Variants in EML5 observed in about 807,000 individuals in gnomAD.
EML5 encodes the protein echinoderm microtubule-associated protein-like 5.
Under a neutral mutation model 250.0 loss-of-function variants are expected in EML5, and 120 were observed. The observed-to-expected ratio is 0.48, with a 90% CI of 0.41 to 0.56. EML5 has a LOEUF of 0.56. EML5 is among the 20% of genes least tolerant of loss of function. EML5 has a pLI of 0.00. For synonymous variants in EML5, 771 were observed against 806.5 expected, an observed-to-expected ratio of 0.96 and a Z score of 0.75; for missense variants, 2,006 against 2,437.6, an observed-to-expected ratio of 0.82 and a Z score of 3.73.
chr14:88,668,326 A>C (rs2092363016), intron 21 of EML5, among the ~76,000 whole-genome samples: 1 of 152,316 alleles, frequency 6.6e-6, no homozygotes, highest in Admixed American at 6.5e-5. Flanking sequence ...TGCAGAGTGC[A>C]GGAAGAAGAG....
At chr14:88,715,576 A>AT (rs371170654) in intron 8 of EML5, among the ~76,000 whole-genome samples, 5 of 151,322 alleles carry the variant, frequency 3.3e-5, no homozygotes, top group Non-Finnish European at 7.4e-5. Flanking sequence ...TTTTCAAACA[A>AT]TTTTTTTTTG....
chr14:88,621,983 CT>C (rs1243010848), intron 37 of EML5: 2 of 420,838 alleles, frequency 4.8e-6, no homozygotes, highest in Non-Finnish European at 9.6e-6. Context: ...CTATTCCTAT[CT>C]GGCTGTGTAA....
chr14:88,731,169 A>G (rs1407847098), intron 7 of EML5, among the ~76,000 whole-genome samples: 4 of 151,858 alleles, frequency 2.6e-5, no homozygotes, highest in African/African-American at 7.3e-5. Flanking sequence ...TGCTGCACTC[A>G]TTAACTCGTC....
chr14:88,675,716 C>G (rs750138396), intron 21 of EML5, among the ~76,000 whole-genome samples: 15 of 152,170 alleles, frequency 9.9e-5, no homozygotes, highest in Non-Finnish European at 2.1e-4. Context: ...TCTTTTCTGT[C>G]ACAGTCAGGC....
At chr14:88,708,196 T>C (rs1044432004) in intron 10 of EML5, among the ~76,000 whole-genome samples, 1 of 152,184 alleles carries the variant, frequency 6.6e-6, no homozygotes, top group African/African-American at 2.4e-5. Flanking sequence ...AATTTTTTAA[T>C]AACCAGTTTA....
Position 88,624,960 on chromosome 14 carries a change from GA to G in EML5, c.4898+9del. 2.5e-6 allele frequency: 4 copies of G among 1,612,144 alleles called. No individual in the cohort carries two copies. Among genetic ancestry groups the G allele is most frequent in the Non-Finnish European group, 3.4e-6 (4 of 1,179,204 alleles). ...TGCATAAATATTCTGTGAAAAGAAA[GA>G]GGACTCACGGCCTTTCCTTTCCCCC... On this transcript the variant is annotated intron_variant, in intron 36 of 43. Coordinates refer to ENST00000554922, the MANE Select transcript of EML5 (RefSeq NM_183387.3).
At chr14:88,699,261 C>T (rs1317085032) in intron 14 of EML5, among the ~76,000 whole-genome samples, 24 of 152,040 alleles carry the variant, frequency 1.6e-4, no homozygotes, top group Admixed American at 1.6e-3. Context: ...TAGCATTATA[C>T]GTGTTGGACA....
intron 34 of EML5, chr14:88,627,309 G>A: frequency 2.0e-6 from 1 of 495,106 alleles, no homozygotes; most frequent in South Asian, 3.1e-5. Context: ...CTGCTGATCT[G>A]CCATTATCAT....
chr14:88,785,273 C>A (rs764784782), intron 1 of EML5, among the ~76,000 whole-genome samples: 3 of 152,014 alleles, frequency 2.0e-5, no homozygotes, highest in Non-Finnish European at 2.9e-5. Context: ...TTTGATGGCA[C>A]AACAGGGTGA....
chr14:88,630,604 T>C (rs931024772), intron 33 of EML5, among the ~76,000 whole-genome samples: 3 of 152,148 alleles, frequency 2.0e-5, no homozygotes, highest in Admixed American at 6.5e-5. Context: ...CAGTGATTAG[T>C]TTAATAACCC....
chr14:88,705,466 T>G lies in EML5; in HGVS notation c.1932+16A>C. Reference sequence around the variant, plus strand: ...TTAGACTTTTTAGAGAAAAACCATGTGATATGGAAAATTACCTGTCGACGG... The same window carrying G: ...TTAGACTTTTTAGAGAAAAACCATGGGATATGGAAAATTACCTGTCGACGG... On this transcript the variant is annotated intron_variant, in intron 12 of 43. Transcript: ENST00000554922. 2 of 1,554,816 alleles carry G rather than the reference T, an allele frequency of 1.3e-6. No homozygotes were observed. The highest frequency in any genetic ancestry group is 1.4e-5 in the African/African-American group (1 of 73,876).
At position 88,614,354 on chromosome 14, in the gene EML5, C is replaced by T. The variant is rs1473744277; in HGVS notation, c.*1464G>A. ...AAGCTTCTTAGCCCCATAATCAGTC[C>T]TTCAGCCACAGCTATTTAGAGCTTT... On this transcript the variant is annotated 3_prime_UTR_variant, in exon 44 of 44. Transcript: ENST00000554922. 2.6e-5 allele frequency: 4 copies of T among 152,184 alleles called. No homozygotes were observed. The highest frequency in any genetic ancestry group is 5.9e-5 in the Non-Finnish European group (4 of 68,020). The allele number at this position is 152,184 out of a possible 1,614,324, so 9.4% of individuals were successfully genotyped here. A position where few individuals can be genotyped will look rare whatever the true frequency, so the allele number is the denominator to read the frequency against.
At chr14:88,694,480 C>T (rs2093030794) in intron 16 of EML5, 73 bp from the exon 17 acceptor site, 2 of 1,035,194 alleles carry the variant, frequency 1.9e-6, no homozygotes, top group Non-Finnish European at 2.8e-6. Context: ...CTAATCCATA[C>T]CCTATCTTGA....
intron 1 of EML5, among the ~76,000 whole-genome samples, chr14:88,791,971 A>G (rs2094613446): frequency 6.6e-6 from 1 of 152,204 alleles, no homozygotes; most frequent in Non-Finnish European, 1.5e-5. Context: ...AATTTCTCAC[A>G]GGATCTAACG....
At chr14:88,736,848 A>G (rs2093848347) in intron 6 of EML5, among the ~76,000 whole-genome samples, 1 of 151,770 alleles carries the variant, frequency 6.6e-6, no homozygotes, top group African/African-American at 2.4e-5. Flanking sequence ...TGTTGTGCCC[A>G]TCTTTGAGGG....
intron 10 of EML5, among the ~76,000 whole-genome samples, chr14:88,709,789 G>T (rs1041248187): frequency 1.3e-5 from 2 of 152,156 alleles, no homozygotes; most frequent in African/African-American, 4.8e-5. Context: ...GAGAATAAAT[G>T]CATGAATTGC....
Position 88,685,054 on chromosome 14 carries a change from T to C in EML5, c.2943A>G (p.Leu981=). 6.2e-7 allele frequency: 1 copy of C among 1,611,350 alleles called. No individual in the cohort carries two copies. The highest frequency in any genetic ancestry group is 8.5e-7 in the Non-Finnish European group (1 of 1,178,642). Residue 981 remains leucine (L), a synonymous_variant, in exon 20 of 44, where the codon CTA becomes CTG. Coordinates refer to ENST00000554922, the MANE Select transcript of EML5 (RefSeq NM_183387.3). ...ILVGTKNGEI[L]EVDKSGPITL... ...TTATTGGGCCACTTTTATCCACTTC[T>C]AGTATTTCACCATTCTTTGTGCCAA...
intron 2 of EML5, among the ~76,000 whole-genome samples, chr14:88,751,126 C>T (rs1318889358): frequency 6.6e-6 from 1 of 152,184 alleles, no homozygotes; most frequent in Non-Finnish European, 1.5e-5. Flanking sequence ...ATAAACATAT[C>T]ATGACCCAAA....
At chr14:88,694,546 T>C (rs1386253353) in intron 16 of EML5, 139 bp from the exon 17 acceptor site, 1 of 623,302 alleles carries the variant, frequency 1.6e-6, no homozygotes, top group African/African-American at 1.9e-5. Context: ...GGGCTGTGTA[T>C]TTGTTCTTTT....
Sources: allele counts gnomAD v4.1 joint callset (sites outside exome capture counted in the v4.1 genomes callset), GRCh38; gene constraint gnomAD v4.1.1; transcripts MANE v1.5; gene names NCBI Gene and HGNC (gene_info 2026-07-23, HGNC 2026-07-21).